Variants in DHPS observed in about 807,000 individuals in gnomAD.
DHPS encodes migration-inducing gene 13.
In DHPS, 24 loss-of-function variants were observed where a neutral mutation model predicts 38.7. That is an observed-to-expected ratio of 0.62 (90% CI 0.45 to 0.87). The LOEUF is 0.87. Ranked by LOEUF, DHPS falls within the 40% of genes least tolerant of loss-of-function variation. The probability of loss-of-function intolerance (pLI) is 0.00; values close to 1 mark genes in which losing one functional copy is unlikely to be tolerated. For synonymous variants in DHPS, 250 were observed against 204.4 expected, an observed-to-expected ratio of 1.22 and a Z score of -1.90; for missense variants, 510 against 497.6, an observed-to-expected ratio of 1.02 and a Z score of -0.24.
chr19:12,679,854 G>A lies in DHPS; in HGVS notation c.441C>T (p.Tyr147=), dbSNP rs1178160660. The change falls in exon 3 of 9, where the codon TAC becomes TAT. Residue 147 remains tyrosine (Y), a synonymous_variant. Transcript: ENST00000210060. ...TCCCCCTGAGGCTAAACTCGCCCAAGTATGTGGGCGCCAGGCACTTGATGA... is the reference window on the plus strand; with the variant it reads ...TCCCCCTGAGGCTAAACTCGCCCAAATATGTGGGCGCCAGGCACTTGATGA... ...EDLIKCLAPT[Y]LGEFSLRGKE... 1.2e-6 allele frequency: 2 copies of A among 1,614,168 alleles called. No individual in the cohort carries two copies. The highest frequency in any genetic ancestry group is 8.5e-7 in the Non-Finnish European group (1 of 1,180,032).
At chr19:12,676,326 T>C (rs1421437892) in intron 7 of DHPS, 184 bp from the exon 8 acceptor site, 2 of 762,894 alleles carry the variant, frequency 2.6e-6, no homozygotes, top group Non-Finnish European at 2.0e-6. Context: ...TGGGCAACGA[T>C]GGCTGTGTTT....
rs779911520 is a variant in DHPS, at chr19:12,680,212, G to A, written c.321C>T (p.Leu107=). The A allele has an allele frequency of 1.2e-6, 2 of 1,614,194 alleles. No homozygotes were observed. Among genetic ancestry groups the A allele is most frequent in the East Asian group, 4.5e-5 (2 of 44,882 alleles). Reference sequence around the variant, plus strand: ...TGGTCTCACGGATGCCTGAACTGATGAGGTTGGATGTATATCCCAGGAAAA... The same window carrying A: ...TGGTCTCACGGATGCCTGAACTGATAAGGTTGGATGTATATCCCAGGAAAA... The part of the protein sequence containing the change: ...CTIFLGYTSN[L]ISSGIRETIR... Residue 107 remains leucine (L), a synonymous_variant, in exon 2 of 9, where the codon CTC becomes CTT. Transcript: ENST00000210060.
At chr19:12,674,363 C>T (rs534724063), downstream of DHPS, among the ~76,000 whole-genome samples, 3 of 152,202 alleles carry the variant, frequency 2.0e-5, no homozygotes, top group African/African-American at 7.2e-5. Flanking sequence ...GTAGTGGGGT[C>T]AGAGCCGGGG....
downstream of DHPS, among the ~76,000 whole-genome samples, chr19:12,674,527 G>A (rs1724148421): frequency 6.6e-6 from 1 of 152,188 alleles, no homozygotes; most frequent in Admixed American, 6.5e-5. Context: ...ATTTCTTATG[G>A]GCCCAGTAGA....
intron 1 of DHPS, chr19:12,681,020 G>A (rs1374307866): frequency 8.5e-6 from 6 of 707,532 alleles, no homozygotes; most frequent in Non-Finnish European, 1.2e-5. Context: ...TTTTAGTAGA[G>A]ACAGGGTTTC....
chr19:12,677,497 G>T (rs1209426853), intron 5 of DHPS, 101 bp from the exon 6 acceptor site: 17 of 930,688 alleles, frequency 1.8e-5, no homozygotes, highest in Non-Finnish European at 2.8e-5. Context: ...ATTTCTCTAG[G>T]ACTGTTTCCT....
chr19:12,673,723 C>CT (rs1568315292), downstream of DHPS, among the ~76,000 whole-genome samples: 1 of 150,698 alleles, frequency 6.6e-6, no homozygotes, highest in Non-Finnish European at 1.5e-5. Context: ...GCCCTTTTTT[C>CT]TTTTTTTGAG....
chr19:12,681,392 C>T (rs2024807291), intron 1 of DHPS, 168 bp downstream of exon 1: 7 of 1,035,044 alleles, frequency 6.8e-6, no homozygotes, highest in Non-Finnish European at 9.6e-6. Flanking sequence ...AAATCCCCTT[C>T]CCAGGACAGA....
Position 12,676,351 on chromosome 19 carries a change from G to T in DHPS, c.889-209C>A, listed in dbSNP as rs2024588378. On this transcript the variant is annotated intron_variant, in intron 7 of 8. Coordinates refer to ENST00000210060, the MANE Select transcript of DHPS (RefSeq NM_001930.4). ...TGGCTGTGTTTCCCCAGACCCAACA[G>T]CCAGGTGTCAACAACCCTGCCCCAT... 1.3e-5 allele frequency: 8 copies of T among 630,350 alleles called. No individual in the cohort carries two copies. The South Asian group carries it at 1.4e-4, about 11-fold the overall frequency. The allele number at this position is 630,350 out of a possible 1,614,324, so 39.0% of individuals were successfully genotyped here.
intron 6 of DHPS, 34 bp downstream of exon 6, chr19:12,677,257 C>T: frequency 6.2e-7 from 1 of 1,613,982 alleles, no homozygotes; most frequent in South Asian, 1.1e-5. Context: ...AGCCAGCCCT[C>T]CTTCCCCTCT....
chr19:12,676,137 G>C lies in DHPS; in HGVS notation c.894C>G (p.Asn298Lys). 3 of 1,609,378 alleles carry C rather than the reference G, an allele frequency of 1.9e-6. No homozygotes were observed. The highest frequency in any genetic ancestry group is 2.5e-6 in the Non-Finnish European group (3 of 1,178,274). ...HHIANANLMR[N>K]GADYAVYINT... ...TGATGTAAACAGCGTAGTCGGCCCC[G>C]TTCCGCTGTGGGGAGGCGGGGGCAC... Residue 298 changes from asparagine to lysine, a missense_variant, in exon 8 of 9, where the codon AAC (asparagine) becomes AAG (lysine). Transcript: ENST00000210060.
rs2024828144 is a variant in DHPS at position 12,681,795 on chromosome 19, C to G, written c.-29G>C. 12 of 1,593,910 alleles carry G rather than the reference C, an allele frequency of 7.5e-6. No individual in the cohort carries two copies. Among genetic ancestry groups the G allele is most frequent in the East Asian group, 4.5e-5 (2 of 44,738 alleles). ...CCTATAGCCGGCTCTCGAGTCAAAG[C>G]TGCCCCTAGGCCGGGCTTACGGCGG... is the stretch of plus-strand genomic sequence containing the variant. On this transcript the variant is annotated 5_prime_UTR_variant, in exon 1 of 9. Coordinates refer to ENST00000210060, the MANE Select transcript of DHPS (RefSeq NM_001930.4).
chr19:12,677,581 T>C lies in DHPS; in HGVS notation c.679-185A>G, dbSNP rs116774671. 4.5e-3 allele frequency among the ~76,000 whole-genome samples: 685 copies of C among 152,268 alleles called. 7 individuals are homozygous for C. The highest frequency in any genetic ancestry group is 0.014 in the African/African-American group (590 of 41,556). On this transcript the variant is annotated intron_variant, in intron 5 of 8. Transcript: ENST00000210060. ...GAAAACCCACAGAAAACACTTAGTA[T>C]AGTGCCTGGCACATAAAGAACCAGC...
At position 12,679,496 on chromosome 19, in the gene DHPS, C is replaced by T. The variant is rs1360209521; in HGVS notation, c.639G>A (p.Glu213=). The T allele has an allele frequency of 3.7e-6, 6 of 1,614,150 alleles. No homozygotes were observed. The East Asian group carries it at 1.3e-4, about 36-fold the overall frequency. The change falls in exon 5 of 9, where the codon GAG becomes GAA. Residue 213 remains glutamate, a synonymous_variant. Coordinates refer to ENST00000210060, the MANE Select transcript of DHPS (RefSeq NM_001930.4). ...AATACACGGACTCTGGGTTGTTGAT[C>T]TCCTTGCCCAGCCGGGCGATCATCT... ...PSKMIARLGK[E]INNPESVYYW...
downstream of DHPS, among the ~76,000 whole-genome samples, chr19:12,675,129 AG>A (rs1251012833): frequency 6.6e-6 from 1 of 150,714 alleles, no homozygotes; most frequent in African/African-American, 2.4e-5. Flanking sequence ...AAACAGAAAA[AG>A]AAAAAGACTC....
chr19:12,672,692 C>G, downstream of DHPS: 1 of 709,916 alleles, frequency 1.4e-6, no homozygotes, highest in Non-Finnish European at 2.4e-6. Flanking sequence ...TGGAGTAGGA[C>G]GTAATTGGCC....
At chr19:12,675,504 C>T (rs771459562), downstream of DHPS, 9 of 1,600,806 alleles carry the variant, frequency 5.6e-6, no homozygotes, top group South Asian at 8.8e-5. Context: ...ATAACCACTC[C>T]CTACCCCTCG....
At position 12,680,331 on chromosome 19, in the gene DHPS, A is replaced by G; in HGVS notation, c.208-6T>C. The stretch of plus-strand genomic sequence containing the variant: ...GGTTCCAGCTTCTTCTCGATCTGTG[A>G]GTAAGGGCCAAGTCAAGTTAAGCAC... On this transcript the variant is annotated splice_region_variant and splice_polypyrimidine_tract_variant and intron_variant, in intron 1 of 8. Transcript: ENST00000210060. 1 of 1,614,026 alleles carries G rather than the reference A, an allele frequency of 6.2e-7. No individual in the cohort carries two copies.
At position 12,679,401 on chromosome 19, in the gene DHPS, G is replaced by T. The variant is rs972557570; in HGVS notation, c.678+56C>A. The T allele has an allele frequency of 2.0e-6, 3 of 1,516,168 alleles. No individual in the cohort carries two copies. In the African/African-American group the frequency reaches 4.1e-5, roughly 21 times the overall value. 93.9% of individuals were successfully genotyped at this position (1,516,168 alleles called of 1,614,324 possible). A position where few individuals can be genotyped will look rare whatever the true frequency, so the allele number is the denominator to read the frequency against. ...TGAATCCCCAGGAGGCTGGAAAGATGAAATAAGTTAACACATGCCAAAGTC... is the reference window on the plus strand; with the variant it reads ...TGAATCCCCAGGAGGCTGGAAAGATTAAATAAGTTAACACATGCCAAAGTC... On this transcript the variant is annotated intron_variant, in intron 5 of 8. Transcript: ENST00000210060.
Sources: gnomAD v4.1 joint callset for allele counts (sites outside exome capture counted in the v4.1 genomes callset) on GRCh38, gnomAD v4.1.1 for gene constraint, MANE v1.5 for transcripts, NCBI Gene and HGNC (gene_info 2026-07-23, HGNC 2026-07-21) for gene names.